The following POU6F2 variants were observed in gnomAD, a reference collection of about 807,000 sequenced individuals.
POU6F2 encodes POU class 6 homeobox 2, also known as POU domain, class 6, transcription factor 2.
In POU6F2, 31 loss-of-function variants were observed where a neutral mutation model predicts 71.3. The ratio of observed to expected loss-of-function variants is 0.43; its 90% confidence interval spans 0.33 to 0.59. The LOEUF (loss-of-function observed/expected upper bound fraction) is 0.59. POU6F2 is among the 20% of genes least tolerant of loss of function. POU6F2 has a pLI of 0.04. For missense variants in POU6F2, 783 were observed against 856.8 expected (o/e 0.91, Z 1.07); for synonymous variants, 347 against 355.7 (o/e 0.98, Z 0.27).
intron 1 of POU6F2, among the ~76,000 whole-genome samples, chr7:39,015,689 T>TAG (rs1562670358): frequency 2.4e-3 from 35 of 14,644 alleles, no homozygotes; most frequent in African/African-American, 4.4e-3. Flanking sequence ...ATGTTATATA[T>TAG]CTATATATTA....
chr7:39,169,549 C>T (rs184042646), intron 2 of POU6F2, among the ~76,000 whole-genome samples: 128 of 152,308 alleles, frequency 8.4e-4, no homozygotes, highest in Admixed American at 5.6e-3. Flanking sequence ...TTAAAACTCT[C>T]AATTGTAAAA....
chr7:39,453,474 A>G (rs1421495995), intron 8 of POU6F2, among the ~76,000 whole-genome samples: 1 of 152,248 alleles, frequency 6.6e-6, no homozygotes, highest in Non-Finnish European at 1.5e-5. Context: ...AGCATCTTAC[A>G]GAGAAGAAAT....
rs145540649 is a variant in POU6F2, at chr7:39,404,281, C to T, written c.973-2319C>T. 3.1e-3 allele frequency among the ~76,000 whole-genome samples: 468 copies of T among 152,258 alleles called. 3 individuals carry two copies. Among genetic ancestry groups the T allele is most frequent in the African/African-American group, 0.011 (452 of 41,556 alleles). Reference sequence around the variant, plus strand: ...TCAGAATAATTGTTTATCCTTTATGCAATACCTGAATTTGCAGCAAACTGC... The same window carrying T: ...TCAGAATAATTGTTTATCCTTTATGTAATACCTGAATTTGCAGCAAACTGC... On this transcript the variant is annotated intron_variant, in intron 5 of 9. Transcript: ENST00000518318.
chr7:39,176,949 A>G (rs559723058), intron 2 of POU6F2, among the ~76,000 whole-genome samples: 196 of 152,332 alleles, frequency 1.3e-3, no homozygotes, highest in Non-Finnish European at 2.4e-3. Context: ...AAACTTGCCC[A>G]TAGAAAGTCA....
intron 4 of POU6F2, among the ~76,000 whole-genome samples, chr7:39,248,483 C>T (rs983382586): frequency 6.6e-6 from 1 of 152,162 alleles, no homozygotes; most frequent in Non-Finnish European, 1.5e-5. Flanking sequence ...TGGGTGTGTC[C>T]AGATGTCTGT....
At chr7:39,005,599 T>C (rs1789042977) in intron 1 of POU6F2, among the ~76,000 whole-genome samples, 1 of 143,476 alleles carries the variant, frequency 7.0e-6, no homozygotes, top group East Asian at 2.1e-4. Flanking sequence ...GCACGCTATC[T>C]TGACCTGCCG....
At chr7:39,341,000 C>G (rs1785906690) in intron 5 of POU6F2, among the ~76,000 whole-genome samples, 1 of 152,168 alleles carries the variant, frequency 6.6e-6, no homozygotes, top group African/African-American at 2.4e-5. Context: ...GCCTGTGGAC[C>G]TGTTTCAAGT....
chr7:39,187,232 ATCCGCCC>A (rs1168701193), intron 2 of POU6F2, among the ~76,000 whole-genome samples: 1 of 152,204 alleles, frequency 6.6e-6, no homozygotes, highest in African/African-American at 2.4e-5. Context: ...GAGACAGGCA[ATCCGCCC>A]TCAGAGCCTG....
intron 2 of POU6F2, among the ~76,000 whole-genome samples, chr7:39,094,097 T>G (rs926588611): frequency 1.1e-4 from 16 of 152,120 alleles, no homozygotes; most frequent in African/African-American, 3.9e-4. Context: ...AATTAATAGC[T>G]TACCAAAAAA....
At chr7:39,318,241 G>A (rs1039245697) in intron 4 of POU6F2, among the ~76,000 whole-genome samples, 7 of 152,142 alleles carry the variant, frequency 4.6e-5, no homozygotes, top group Admixed American at 1.3e-4. Flanking sequence ...CAGGAAACCA[G>A]TAGAGACCAG....
At chr7:39,135,412 T>C (rs867360654) in intron 2 of POU6F2, among the ~76,000 whole-genome samples, 4 of 152,128 alleles carry the variant, frequency 2.6e-5, no homozygotes, top group African/African-American at 9.7e-5. Context: ...ATCACATATA[T>C]TGGGTTGGAA....
intron 2 of POU6F2, among the ~76,000 whole-genome samples, chr7:39,178,022 G>A (rs1424210864): frequency 2.6e-5 from 4 of 152,226 alleles, no homozygotes; most frequent in East Asian, 1.9e-4. Flanking sequence ...TTGGGAGGCC[G>A]AGGTGGGTGG....
chr7:39,106,096 A>G (rs577342284), intron 2 of POU6F2, among the ~76,000 whole-genome samples: 5 of 151,848 alleles, frequency 3.3e-5, no homozygotes, highest in African/African-American at 1.2e-4. Context: ...TAAGAATTTC[A>G]TAATAAAATA....
At chr7:39,033,993 C>T (rs1015370150) in intron 1 of POU6F2, among the ~76,000 whole-genome samples, 5 of 152,180 alleles carry the variant, frequency 3.3e-5, no homozygotes, top group South Asian at 4.2e-4. Context: ...CATGGGATGC[C>T]GTAGAATTTT....
chr7:39,376,842 CTA>C (rs1786719952), intron 5 of POU6F2, among the ~76,000 whole-genome samples: 1 of 150,704 alleles, frequency 6.6e-6, no homozygotes, highest in Non-Finnish European at 1.5e-5. Flanking sequence ...TATTTTTGCT[CTA>C]TTTTAATATT....
At chr7:39,454,673 T>TAAAATAAG (rs1788746789) in intron 8 of POU6F2, among the ~76,000 whole-genome samples, 2 of 2,478 alleles carry the variant, frequency 8.1e-4, no homozygotes, top group African/African-American at 7.9e-3. Context: ...TATATATATA[T>TAAAATAAG]ATATATATAT....
In POU6F2 at chr7:39,299,193, A is replaced by T. The variant is rs556044664; in HGVS notation, c.599-40449A>T. ...TAAAATAAAATAAAACAAAAATTAA[A>T]ATTAAATTAAATTTTAAAAAATTTA... On this transcript the variant is annotated intron_variant, in intron 4 of 9. Transcript: ENST00000518318. Among the ~76,000 whole-genome samples the T allele has an allele frequency of 2.0e-5, 3 of 152,210 alleles. No homozygotes were observed. The South Asian group carries it at 6.2e-4, about 32-fold the overall frequency.
At chr7:39,016,031 A>AT (rs1562671218) in intron 1 of POU6F2, among the ~76,000 whole-genome samples, 2 of 34,020 alleles carry the variant, frequency 5.9e-5, no homozygotes, top group Non-Finnish European at 1.4e-4. Context: ...TATTATATAT[A>AT]GATATATATT....
chr7:39,025,874 A>T (rs1789788798), intron 1 of POU6F2, among the ~76,000 whole-genome samples: 1 of 152,078 alleles, frequency 6.6e-6, no homozygotes, highest in Non-Finnish European at 1.5e-5. Context: ...AATATCCAGA[A>T]TCTACAATGA....
Sources: allele counts gnomAD v4.1 joint callset (sites outside exome capture counted in the v4.1 genomes callset), GRCh38; gene constraint gnomAD v4.1.1; transcripts MANE v1.5; gene names NCBI Gene and HGNC (gene_info 2026-07-23, HGNC 2026-07-21).